Variants in C8orf34 observed in about 807,000 individuals in gnomAD.
C8orf34 encodes the protein uncharacterized protein C8orf34.
Under a neutral mutation model 68.3 loss-of-function variants are expected in C8orf34, and 65 were observed. The observed-to-expected ratio is 0.95, with a 90% CI of 0.78 to 1.17. The LOEUF is 1.17. Among genes scored for constraint, C8orf34 ranks in the 50% most tolerant of loss-of-function variants. The pLI, the probability that C8orf34 is intolerant of heterozygous loss-of-function variation, is 0.00. For synonymous variants in C8orf34, 244 were observed against 241.2 expected (o/e 1.01, Z -0.11); for missense variants, 664 against 655.4 (o/e 1.01, Z -0.14).
intron 3 of C8orf34, among the ~76,000 whole-genome samples, chr8:68,468,309 G>T (rs992825598): frequency 6.6e-6 from 1 of 152,044 alleles, no homozygotes; most frequent in Non-Finnish European, 1.5e-5. Flanking sequence ...AGCCTTCTAT[G>T]AATGTCCTAA....
At chr8:68,330,706 G>C, upstream of C8orf34, 1 of 313,378 alleles carries the variant, frequency 3.2e-6, no homozygotes, top group Non-Finnish European at 5.8e-6. Flanking sequence ...GCTAGGGAGC[G>C]GCTGGTAGGG....
chr8:68,484,884 T>C (rs1261222100), intron 4 of C8orf34, among the ~76,000 whole-genome samples: 4 of 152,362 alleles, frequency 2.6e-5, no homozygotes, highest in Non-Finnish European at 5.9e-5. Context: ...GGAGATTTAT[T>C]TGGATAATTT....
intron 1 of C8orf34, chr8:68,438,299 A>G (rs1810748346): frequency 6.6e-6 from 1 of 152,188 alleles, no homozygotes; most frequent in African/African-American, 2.4e-5. Context: ...ATGATTCTAG[A>G]GAGTGCTAAA....
chr8:68,520,743 G>T (rs1016566184), intron 5 of C8orf34, among the ~76,000 whole-genome samples: 3 of 151,978 alleles, frequency 2.0e-5, no homozygotes, highest in African/African-American at 7.2e-5. Context: ...GCTTACAGGC[G>T]TGAGCCACCG....
intron 1 of C8orf34, among the ~76,000 whole-genome samples, chr8:68,337,149 C>A (rs966621429): frequency 6.6e-6 from 1 of 152,004 alleles, no homozygotes; most frequent in Admixed American, 6.5e-5. Flanking sequence ...GTTGGATAAA[C>A]AATAAGATGT....
intron 7 of C8orf34, among the ~76,000 whole-genome samples, chr8:68,621,900 T>A (rs1279096473): frequency 6.6e-6 from 1 of 152,148 alleles, no homozygotes; most frequent in Non-Finnish European, 1.5e-5. Context: ...CAACACCCAT[T>A]TATTATCCCA....
intron 10 of C8orf34, among the ~76,000 whole-genome samples, chr8:68,737,166 T>G (rs193184958): frequency 6.6e-6 from 1 of 152,246 alleles, no homozygotes. Flanking sequence ...GTTGGAAAGC[T>G]CTGCCTAAGG....
At chr8:68,673,366 A>G (rs1820078780) in intron 8 of C8orf34, among the ~76,000 whole-genome samples, 1 of 151,990 alleles carries the variant, frequency 6.6e-6, no homozygotes, top group South Asian at 2.1e-4. Flanking sequence ...GTGCTCTTGG[A>G]TGGCATTTCT....
At chr8:68,593,471 T>C (rs980911820) in intron 7 of C8orf34, among the ~76,000 whole-genome samples, 2 of 151,956 alleles carry the variant, frequency 1.3e-5, no homozygotes, top group African/African-American at 2.4e-5. Flanking sequence ...AGTCTAGGGG[T>C]TTTTGTTCTC....
intron 6 of C8orf34, among the ~76,000 whole-genome samples, chr8:68,529,109 C>T (rs908040919): frequency 1.1e-4 from 17 of 152,208 alleles, no homozygotes; most frequent in African/African-American, 4.1e-4. Context: ...AAAGTGAAGC[C>T]TCCCTGGCCC....
chr8:68,725,963 C>T (rs1396308611), intron 10 of C8orf34, among the ~76,000 whole-genome samples: 1 of 151,944 alleles, frequency 6.6e-6, no homozygotes. Context: ...AGCTGGAGTG[C>T]AGTGGTGTGA....
intron 11 of C8orf34, among the ~76,000 whole-genome samples, chr8:68,779,153 C>T (rs537531981): frequency 4.7e-5 from 7 of 147,666 alleles, no homozygotes; most frequent in African/African-American, 9.8e-5. Flanking sequence ...CTCCAGCCTG[C>T]GTGACAGTAT....
At chr8:68,459,185 G>A (rs543952945) in intron 3 of C8orf34, among the ~76,000 whole-genome samples, 5 of 152,060 alleles carry the variant, frequency 3.3e-5, no homozygotes, top group Non-Finnish European at 7.4e-5. Context: ...ATAGATGTTA[G>A]CAAGGATGCA....
intron 7 of C8orf34, among the ~76,000 whole-genome samples, chr8:68,627,318 T>G (rs1221734001): frequency 6.6e-6 from 1 of 152,166 alleles, no homozygotes; most frequent in Non-Finnish European, 1.5e-5. Context: ...ATCTGGTCCC[T>G]GAGACAACAA....
chr8:68,789,391 A>C (rs1823930214), intron 12 of C8orf34, among the ~76,000 whole-genome samples: 1 of 152,236 alleles, frequency 6.6e-6, no homozygotes, highest in Non-Finnish European at 1.5e-5. Context: ...CCATCAAAAT[A>C]GTATATTATA....
chr8:68,341,281 A>G (rs1185277002), intron 1 of C8orf34, among the ~76,000 whole-genome samples: 2 of 152,144 alleles, frequency 1.3e-5, no homozygotes, highest in Non-Finnish European at 2.9e-5. Context: ...GTCAAAGTAC[A>G]GAAGTAGTTC....
intron 6 of C8orf34, among the ~76,000 whole-genome samples, chr8:68,524,581 G>C (rs1021999843): frequency 1.3e-5 from 2 of 152,156 alleles, no homozygotes; most frequent in African/African-American, 4.8e-5. Flanking sequence ...GGAATTCACC[G>C]AACAGAGAGG....
chr8:68,668,706 A>G (rs1179090385), intron 8 of C8orf34, among the ~76,000 whole-genome samples: 1 of 152,204 alleles, frequency 6.6e-6, no homozygotes, highest in Admixed American at 6.5e-5. Flanking sequence ...GACTGAATCT[A>G]TGAGCCTTTA....
At chr8:68,711,777 G>T (rs1353705179) in intron 9 of C8orf34, among the ~76,000 whole-genome samples, 1 of 152,098 alleles carries the variant, frequency 6.6e-6, no homozygotes, top group East Asian at 1.9e-4. Flanking sequence ...GAATAATCAA[G>T]GAAAACTTCC....
Sources: gnomAD v4.1 joint callset for allele counts (sites outside exome capture counted in the v4.1 genomes callset) on GRCh38, gnomAD v4.1.1 for gene constraint, MANE v1.5 for transcripts, NCBI Gene and HGNC (gene_info 2026-07-23, HGNC 2026-07-21) for gene names.